The following EPHA6 variants were observed in gnomAD, a reference collection of about 807,000 sequenced individuals.
The protein encoded by EPHA6 is ephrin type-A receptor 6.
Under a neutral mutation model 112.0 loss-of-function variants are expected in EPHA6, and 50 were observed. That is an observed-to-expected ratio of 0.45 (90% CI 0.36 to 0.56). The LOEUF is 0.56. Ranked by LOEUF, EPHA6 falls within the 20% of genes least tolerant of loss-of-function variation. The pLI is 0.00. For synonymous variants in EPHA6, 529 were observed against 490.7 expected, an observed-to-expected ratio of 1.08 and a Z score of -1.03; for missense variants, 1,280 against 1,417.4, an observed-to-expected ratio of 0.90 and a Z score of 1.56.
intron 14 of EPHA6, among the ~76,000 whole-genome samples, chr3:97,672,606 T>G (rs1054065082): frequency 2.0e-5 from 3 of 151,888 alleles, no homozygotes; most frequent in African/African-American, 7.3e-5. Flanking sequence ...TCTACCCTAC[T>G]CTTCTTTAGT....
At chr3:97,423,512 C>T (rs2088851560) in intron 6 of EPHA6, among the ~76,000 whole-genome samples, 1 of 152,020 alleles carries the variant, frequency 6.6e-6, no homozygotes. Context: ...ACAACACATA[C>T]AAATGGAAAA....
At chr3:97,376,833 A>G (rs1024954272) in intron 5 of EPHA6, among the ~76,000 whole-genome samples, 3 of 152,232 alleles carry the variant, frequency 2.0e-5, no homozygotes, top group African/African-American at 7.2e-5. Context: ...GTAATAGTTC[A>G]TGATTTCATG....
Position 97,288,740 on chromosome 3 carries a change from G to A in EPHA6, c.1606+44453G>A, listed in dbSNP as rs553517233. 5.9e-5 allele frequency among the ~76,000 whole-genome samples: 9 copies of A among 151,880 alleles called. No homozygotes were observed. In the South Asian group the frequency reaches 1.5e-3, roughly 25 times the overall value. On this transcript the variant is annotated intron_variant, in intron 5 of 17. Transcript: ENST00000389672. ...CTATGCGGCCTCACTAGCATCTGTTGTTTCTTGACTTTTTTTATAATGGCC... is the reference window on the plus strand; with the variant it reads ...CTATGCGGCCTCACTAGCATCTGTTATTTCTTGACTTTTTTTATAATGGCC...
At chr3:97,746,071 G>A (rs747715608) in intron 16 of EPHA6, among the ~76,000 whole-genome samples, 4 of 151,744 alleles carry the variant, frequency 2.6e-5, no homozygotes, top group South Asian at 2.1e-4. Context: ...TAAAACAGTC[G>A]AAATATGAAC....
intron 5 of EPHA6, among the ~76,000 whole-genome samples, chr3:97,332,278 A>G (rs933562501): frequency 1.6e-4 from 25 of 152,134 alleles, no homozygotes; most frequent in Non-Finnish European, 2.9e-4. Flanking sequence ...AGAGCTATCT[A>G]TGACAAACCC....
At chr3:97,113,177 A>G (rs2047775333) in intron 3 of EPHA6, among the ~76,000 whole-genome samples, 1 of 152,024 alleles carries the variant, frequency 6.6e-6, no homozygotes, top group Non-Finnish European at 1.5e-5. Flanking sequence ...TCTGAAAATT[A>G]CCTATATTAC....
At chr3:97,688,747 A>C (rs1354962811) in intron 14 of EPHA6, among the ~76,000 whole-genome samples, 1 of 152,156 alleles carries the variant, frequency 6.6e-6, no homozygotes, top group East Asian at 1.9e-4. Context: ...ACTAGAAAAA[A>C]AAGTAACGTA....
chr3:97,590,598 AT>A (rs1406618966), intron 11 of EPHA6, among the ~76,000 whole-genome samples: 1 of 151,834 alleles, frequency 6.6e-6, no homozygotes, highest in Non-Finnish European at 1.5e-5. Context: ...CATTTATATC[AT>A]TTTTTCTTTG....
chr3:97,005,296 C>G (rs2043835172), intron 3 of EPHA6, among the ~76,000 whole-genome samples: 1 of 152,072 alleles, frequency 6.6e-6, no homozygotes, highest in Admixed American at 6.6e-5. Flanking sequence ...TTTCCTTGAG[C>G]AGTGGTTTGT....
chr3:96,980,739 G>C (rs548728871), intron 2 of EPHA6, among the ~76,000 whole-genome samples: 1 of 152,140 alleles, frequency 6.6e-6, no homozygotes, highest in African/African-American at 2.4e-5. Flanking sequence ...GCAGTGGTTT[G>C]TATTTCTTTT....
chr3:97,145,975 C>T (rs2076035756), intron 3 of EPHA6, among the ~76,000 whole-genome samples: 1 of 151,350 alleles, frequency 6.6e-6, no homozygotes. Flanking sequence ...TTGGTCCATT[C>T]TCATGTATTA....
chr3:97,641,815 A>G (rs1431723343), intron 14 of EPHA6, among the ~76,000 whole-genome samples: 1 of 152,188 alleles, frequency 6.6e-6, no homozygotes, highest in Non-Finnish European at 1.5e-5. Context: ...GCTGATTGCT[A>G]GCACAGCAGT....
intron 3 of EPHA6, among the ~76,000 whole-genome samples, chr3:97,124,298 C>A (rs2048120849): frequency 6.6e-6 from 1 of 151,428 alleles, no homozygotes; most frequent in African/African-American, 2.4e-5. Flanking sequence ...CTGATCATCA[C>A]CGAGAGGAAA....
At chr3:96,866,974 C>CTA in intron 2 of EPHA6, 85 bp downstream of exon 2, 2 of 718,882 alleles carry the variant, frequency 2.8e-6, no homozygotes, top group Non-Finnish European at 4.3e-6. Context: ...ATTTTGGGCC[C>CTA]TACTTGTTAT....
chr3:97,670,071 A>C lies in EPHA6; in HGVS notation c.2784+31989A>C, dbSNP rs571555282. Among the ~76,000 whole-genome samples, 449 of 152,308 alleles carry C rather than the reference A, an allele frequency of 2.9e-3. 1 individual carries two copies. The highest frequency in any genetic ancestry group is 0.02 in the Middle Eastern group (6 of 294). ...CTTCAATAAATACCCCACCTAAAAA[A>C]ATTATTTCTTCTATAGATAATGAAG... is the stretch of plus-strand genomic sequence containing the variant. On this transcript the variant is annotated intron_variant, in intron 14 of 17. Transcript: ENST00000389672.
intron 5 of EPHA6, among the ~76,000 whole-genome samples, chr3:97,359,977 AT>A (rs2084288216): frequency 6.6e-6 from 1 of 152,210 alleles, no homozygotes; most frequent in African/African-American, 2.4e-5. Context: ...AAAGAAAAAA[AT>A]AAACAGGAAT....
At chr3:97,397,714 G>T (rs16838611) in intron 5 of EPHA6, among the ~76,000 whole-genome samples, 22,089 of 151,436 alleles carry the variant, frequency 0.15, 5,063 homozygotes, top group African/African-American at 0.49. Flanking sequence ...CCGTGAAAAC[G>T]CTAATAGGAA....
intron 7 of EPHA6, among the ~76,000 whole-genome samples, chr3:97,451,738 A>G (rs2090536423): frequency 6.6e-6 from 1 of 151,910 alleles, no homozygotes; most frequent in African/African-American, 2.4e-5. Flanking sequence ...GTGAATCCCA[A>G]TTGACGGCAT....
At chr3:97,050,061 A>G (rs1251279318) in intron 3 of EPHA6, among the ~76,000 whole-genome samples, 1 of 152,208 alleles carries the variant, frequency 6.6e-6, no homozygotes, top group African/African-American at 2.4e-5. Context: ...GCTATCAGAC[A>G]GAAGACAAGT....
Sources: allele counts gnomAD v4.1 joint callset (sites outside exome capture counted in the v4.1 genomes callset), GRCh38; gene constraint gnomAD v4.1.1; transcripts MANE v1.5; gene names NCBI Gene and HGNC (gene_info 2026-07-23, HGNC 2026-07-21).